SI: variants seen among roughly 807,000 people sequenced by gnomAD.
SI encodes the protein sucrase-isomaltase, intestinal.
SI carries 235 observed loss-of-function variants against 253.3 expected under a neutral mutation model. The ratio of observed to expected loss-of-function variants is 0.93; its 90% CI spans 0.83 to 1.03. The LOEUF (loss-of-function observed/expected upper bound fraction) is 1.03, where lower values mean the gene tolerates loss of function less well. Ranked by LOEUF, SI falls within the 50% of genes least tolerant of loss-of-function variation. SI has a pLI of 0.00. For missense variants in SI, 2,442 were observed against 2,211.1 expected (o/e 1.10, Z -2.09); for synonymous variants, 819 against 712.0 (o/e 1.15, Z -2.39).
intron 45 of SI, among the ~76,000 whole-genome samples, chr3:164,983,599 TA>T (rs1459977260): frequency 2.0e-5 from 3 of 152,130 alleles, no homozygotes; most frequent in Non-Finnish European, 2.9e-5. Context: ...TTTTAGTTTT[TA>T]TTTTTTTAAG....
rs1711593304 is a variant in SI, at chr3:165,021,246, T to C, written c.3237A>G (p.Arg1079=). 6.2e-7 allele frequency: 1 copy of C among 1,611,020 alleles called. No homozygotes were observed. Among genetic ancestry groups the C allele is most frequent in the Admixed American group, 1.7e-5 (1 of 59,736 alleles). Residue 1079 remains arginine (R), a synonymous_variant, in exon 27 of 48, where the codon AGA becomes AGG. Coordinates refer to ENST00000264382, the MANE Select transcript of SI (RefSeq NM_001041.4). ...ENPFGIQIRR[R]SSGRVIWDSW... ...TTACTTACATGACTCTTCCACTGCTTCTCCGTCGAATCTGGATGCCAAAAG... is the reference window on the plus strand; with the variant it reads ...TTACTTACATGACTCTTCCACTGCTCCTCCGTCGAATCTGGATGCCAAAAG...
At chr3:165,048,595 A>AGG (rs1553776000) in intron 15 of SI, among the ~76,000 whole-genome samples, 67 of 147,960 alleles carry the variant, frequency 4.5e-4, no homozygotes, top group Non-Finnish European at 8.8e-4. Context: ...AGAGAGAGAG[A>AGG]GAGAGAGAGA....
At chr3:165,023,446 A>AT in intron 26 of SI, 124 bp downstream of exon 26, 1 of 739,334 alleles carries the variant, frequency 1.4e-6, no homozygotes, top group Non-Finnish European at 2.2e-6. Context: ...TATTTTTATA[A>AT]AATCAAAATA....
chr3:165,035,477 G>A (rs939157959), intron 22 of SI, among the ~76,000 whole-genome samples: 2 of 151,486 alleles, frequency 1.3e-5, no homozygotes, highest in African/African-American at 2.4e-5. Flanking sequence ...TAAGTCTTAG[G>A]AGAGAATTAT....
intron 44 of SI, 69 bp downstream of exon 44, chr3:164,991,284 C>A (rs1717723486): frequency 2.5e-6 from 4 of 1,578,548 alleles, no homozygotes; most frequent in Non-Finnish European, 3.5e-6. Context: ...CAAACCCTTT[C>A]TATTTCTTAA....
rs1712939796 is a variant in SI at position 165,043,202 on chromosome 3, A to G, written c.1888-27T>C. On this transcript the variant is annotated intron_variant, in intron 16 of 47. Coordinates refer to ENST00000264382, the MANE Select transcript of SI (RefSeq NM_001041.4). ...TAAATAACAAATATATTTACTATTT[A>G]TAATGTTAAGATTCTCAAATTTGCC... The G allele has an allele frequency of 6.8e-6, 10 of 1,478,010 alleles. No individual in the cohort carries two copies. In the East Asian group the frequency reaches 2.1e-4, roughly 31 times the overall value. The allele number at this position is 1,478,010 out of a possible 1,614,324, so 91.6% of individuals were successfully genotyped here.
chr3:165,007,570 C>A (rs1356255893), intron 36 of SI, among the ~76,000 whole-genome samples: 1 of 151,672 alleles, frequency 6.6e-6, no homozygotes, highest in Non-Finnish European at 1.5e-5. Context: ...TTTTTTGAAT[C>A]TGGGAAAATT....
chr3:165,036,324 AT>A, intron 22 of SI, 64 bp downstream of exon 22: 1 of 1,062,232 alleles, frequency 9.4e-7, no homozygotes, highest in Non-Finnish European at 1.5e-6. Flanking sequence ...TACAACCTAT[AT>A]CAATAAAGCC....
rs767281143 is a variant in SI at position 165,067,469 on chromosome 3, CT to C, written c.505del (p.Arg169AspfsTer9). 3.1e-6 allele frequency: 5 copies of C among 1,610,018 alleles called. No homozygotes were observed. The highest frequency in any genetic ancestry group is 4.2e-6 in the Non-Finnish European group (5 of 1,176,808). On this transcript the variant is annotated frameshift_variant, in exon 6 of 48. Transcript: ENST00000264382. LOFTEE classifies it high-confidence loss of function. ...RFKITDPNNR[R>X]YEVPHQYVKE... ...TACATACTGATGAGGAACTTCATAT[CT>C]TCTATTATTTGGATCAGTAATCTGG...
At chr3:165,019,021 A>G (rs1318702461) in intron 28 of SI, among the ~76,000 whole-genome samples, 1 of 151,868 alleles carries the variant, frequency 6.6e-6, no homozygotes, top group Non-Finnish European at 1.5e-5. Context: ...TATATTTTTT[A>G]TGATATGTTT....
chr3:165,069,281 A>G (rs13091463), intron 3 of SI, 86 bp from the exon 4 acceptor site: 15 of 929,980 alleles, frequency 1.6e-5, no homozygotes, highest in Middle Eastern at 2.5e-4. Flanking sequence ...TGAATATTTT[A>G]AAATAATCTA....
chr3:164,999,770 C>A (rs908496157), intron 37 of SI, among the ~76,000 whole-genome samples: 5 of 151,554 alleles, frequency 3.3e-5, no homozygotes, highest in African/African-American at 1.2e-4. Context: ...TCGGAATTAA[C>A]AAATGTCTCA....
chr3:165,007,636 T>A (rs1718575807), intron 36 of SI, among the ~76,000 whole-genome samples: 1 of 151,840 alleles, frequency 6.6e-6, no homozygotes, highest in African/African-American at 2.4e-5. Context: ...TTCATGTAGA[T>A]AAAATATATT....
rs1212421924 is a variant in SI, at chr3:165,059,297, A to C, written c.1149T>G (p.Asp383Glu). 1.9e-5 allele frequency: 30 copies of C among 1,612,226 alleles called. No homozygotes were observed. Among genetic ancestry groups the C allele is most frequent in the Non-Finnish European group, 2.5e-5 (29 of 1,178,732 alleles). ...TGTAGTCAATATCAGTGACCTGTGT[A>C]TCCTGAAAGTTAGAAGATTGTATTT... Reference protein sequence around the residue: ...RRNREAGIPFDTQVTDIDYME... With the variant: ...RRNREAGIPFETQVTDIDYME... Residue 383 changes from aspartate (D) to glutamate (E), a missense_variant and splice_region_variant, in exon 11 of 48, where the codon GAT becomes GAG. Physicochemically the swap from Asp to Glu is conservative, Grantham distance 45. Coordinates refer to ENST00000264382, the MANE Select transcript of SI (RefSeq NM_001041.4).
At position 165,019,788 on chromosome 3, in the gene SI, C is replaced by T. The variant is rs574415489; in HGVS notation, c.3255-18G>A. ...AATCCCAACTGAAAACAAAAGAAAA[C>T]AAAGCTATGTCTGTCAAAATATATG... On this transcript the variant is annotated intron_variant, in intron 27 of 47. Transcript: ENST00000264382. The T allele has an allele frequency of 1.2e-6, 2 of 1,609,104 alleles. No individual in the cohort carries two copies. The highest frequency in any genetic ancestry group is 2.2e-5 in the East Asian group (1 of 44,738).
chr3:165,015,626 T>A (rs1424936170), intron 32 of SI, among the ~76,000 whole-genome samples: 1 of 152,122 alleles, frequency 6.6e-6, no homozygotes. Context: ...AATGAACTAA[T>A]AATTGTATAA....
At position 165,006,945 on chromosome 3, in the gene SI, T is replaced by G; in HGVS notation, c.4277A>C (p.Lys1426Thr). 6.2e-7 allele frequency: 1 copy of G among 1,609,194 alleles called. No individual in the cohort carries two copies. Among genetic ancestry groups the G allele is most frequent in the Non-Finnish European group, 8.5e-7 (1 of 1,176,224 alleles). The change falls in exon 37 of 48, where the codon AAA (lysine) becomes ACA (threonine). Residue 1426 changes from lysine (K) to threonine (T), a missense_variant. Physicochemically the swap from Lys to Thr is moderately conservative, Grantham distance 78. Transcript: ENST00000264382. ...NYPPYFPELT[K>T]RTDGLHFRTI... ...TCTGAAATGTAATCCATCAGTTCTT[T>G]TTGTGAGTTCTGGAAAGAATCAATG...
At chr3:165,021,196 A>C in intron 27 of SI, 33 bp downstream of exon 27, 1 of 1,588,030 alleles carries the variant, frequency 6.3e-7, no homozygotes, top group Non-Finnish European at 8.6e-7. Context: ...TAAAATTAAA[A>C]TATCCTTTAT....
chr3:165,005,229 G>C (rs1020942301), intron 37 of SI, among the ~76,000 whole-genome samples: 1 of 151,792 alleles, frequency 6.6e-6, no homozygotes, highest in African/African-American at 2.4e-5. Context: ...AATACAGCAG[G>C]GATGGTTAAT....
Sources: allele counts gnomAD v4.1 joint callset (sites outside exome capture counted in the v4.1 genomes callset), GRCh38; gene constraint gnomAD v4.1.1; transcripts MANE v1.5; gene names NCBI Gene and HGNC (gene_info 2026-07-23, HGNC 2026-07-21).